Variants in AFAP1L2 observed in about 807,000 individuals in gnomAD.
AFAP1L2 encodes actin filament-associated protein 1-like 2.
In AFAP1L2, 46 loss-of-function variants were observed where a neutral mutation model predicts 99.3. The observed-to-expected ratio is 0.46, with a 90% CI of 0.37 to 0.59. The LOEUF (loss-of-function observed/expected upper bound fraction) is 0.59. AFAP1L2 is among the 20% of genes least tolerant of loss of function. The probability of loss-of-function intolerance (pLI) is 0.00; values close to 1 mark genes in which losing one functional copy is unlikely to be tolerated. For missense variants in AFAP1L2, 959 were observed against 1,034.9 expected (o/e 0.93, Z 1.01); for synonymous variants, 397 against 419.1 (o/e 0.95, Z 0.64).
At chr10:114,398,480 A>C (rs893877929) in intron 1 of AFAP1L2, among the ~76,000 whole-genome samples, 3 of 152,208 alleles carry the variant, frequency 2.0e-5, no homozygotes, top group African/African-American at 7.2e-5. Context: ...GATCAGAACC[A>C]CATGCCAGAG....
At chr10:114,372,947 G>T (rs914159886) in intron 1 of AFAP1L2, among the ~76,000 whole-genome samples, 2 of 152,230 alleles carry the variant, frequency 1.3e-5, no homozygotes, top group Non-Finnish European at 2.9e-5. Flanking sequence ...ACAGACAGCT[G>T]TGCCCCATTC....
intron 1 of AFAP1L2, among the ~76,000 whole-genome samples, chr10:114,396,360 C>T (rs992201518): frequency 1.3e-5 from 2 of 152,230 alleles, no homozygotes; most frequent in African/African-American, 2.4e-5. Context: ...CCATTCAGAT[C>T]ACCCAGAGTG....
intron 1 of AFAP1L2, among the ~76,000 whole-genome samples, chr10:114,342,153 A>G (rs929288555): frequency 2.6e-5 from 4 of 152,180 alleles, no homozygotes; most frequent in Admixed American, 1.3e-4. Flanking sequence ...GGTGTTTTCT[A>G]TGAGGAGACT....
At chr10:114,376,010 T>G (rs981263416) in intron 1 of AFAP1L2, among the ~76,000 whole-genome samples, 1 of 152,168 alleles carries the variant, frequency 6.6e-6, no homozygotes, top group Non-Finnish European at 1.5e-5. Context: ...TTCAATTTTC[T>G]AATTTCATAC....
chr10:114,402,950 G>A (rs999843628), intron 1 of AFAP1L2, among the ~76,000 whole-genome samples: 3 of 152,190 alleles, frequency 2.0e-5, no homozygotes, highest in African/African-American at 4.8e-5. Flanking sequence ...AATTCCCAGA[G>A]AGGGTCCCTC....
At position 114,361,367 on chromosome 10, in the gene AFAP1L2, T is replaced by A. The variant is rs371542653; in HGVS notation, c.17-20636A>T. ...GTTTCTGTCTGGGAAGGTGTGGAAT[T>A]CAGTAGCATTCCTGTAATGCCTTAA... On this transcript the variant is annotated intron_variant, in intron 1 of 18. Coordinates refer to ENST00000304129, the MANE Select transcript of AFAP1L2 (RefSeq NM_001001936.3). 8.4e-4 allele frequency among the ~76,000 whole-genome samples: 128 copies of A among 152,292 alleles called. No homozygotes were observed. The Middle Eastern group carries it at 0.01, about 12-fold the overall frequency.
At position 114,346,005 on chromosome 10, in the gene AFAP1L2, C is replaced by T. The variant is rs564932136; in HGVS notation, c.17-5274G>A. 6.1e-3 allele frequency among the ~76,000 whole-genome samples: 926 copies of T among 152,294 alleles called. 12 individuals carry two copies. Among genetic ancestry groups the T allele is most frequent in the African/African-American group, 0.022 (896 of 41,558 alleles). On this transcript the variant is annotated intron_variant, in intron 1 of 18. Transcript: ENST00000304129. ...CCAGGCAGCCATGGCACCTGCCCAT[C>T]GGGGAGCGGGTGGGCCAGCCAGATG...
chr10:114,360,513 A>ATAGATAGATAGATAGATAGATAGATAGT (rs2052168368), intron 1 of AFAP1L2, among the ~76,000 whole-genome samples: 25 of 79,288 alleles, frequency 3.2e-4, no homozygotes, highest in South Asian at 1.9e-3. Context: ...AGATAGTTAG[A>ATAGATAGATAGATAGATAGATAGATAGT]TAGATAGATA....
At chr10:114,309,704 G>A (rs564389475) in intron 8 of AFAP1L2, among the ~76,000 whole-genome samples, 5 of 152,266 alleles carry the variant, frequency 3.3e-5, no homozygotes, top group South Asian at 4.1e-4. Context: ...GCCCAGAGGC[G>A]CTACTGAGGA....
At chr10:114,289,358 T>G in the AFAP1L2 span, 1 of 1,614,226 alleles carries the variant, frequency 6.2e-7, no homozygotes, top group Non-Finnish European at 8.5e-7. Flanking sequence ...TCTGTCTTGG[T>G]CGTGGGCGTG....
the AFAP1L2 span, chr10:114,286,464 A>C: frequency 3.1e-6 from 5 of 1,602,828 alleles, no homozygotes; most frequent in African/African-American, 6.7e-5. Context: ...GATCTGTTCA[A>C]CCAAATCCCT....
At chr10:114,302,116 G>C in intron 12 of AFAP1L2, 1 of 585,598 alleles carries the variant, frequency 1.7e-6, no homozygotes, top group Non-Finnish European at 3.0e-6. Flanking sequence ...TGCCAAAGCT[G>C]CCCCCGGGGC....
intron 10 of AFAP1L2, among the ~76,000 whole-genome samples, chr10:114,306,686 G>C (rs1331988613): frequency 1.3e-5 from 2 of 151,986 alleles, no homozygotes; most frequent in Non-Finnish European, 2.9e-5. Flanking sequence ...ATCATGAGAG[G>C]TGGGATCTCA....
chr10:114,297,241 G>T lies in AFAP1L2; in HGVS notation c.2286C>A (p.His762Gln). The change falls in exon 17 of 19, where the codon CAC (histidine) becomes CAA (glutamine). Residue 762 changes from histidine to glutamine, a missense_variant. This residue lies in a region of AFAP1L2 where 576 missense variants were observed against 562.1 expected (regional missense o/e 1.02). Coordinates refer to ENST00000304129, the MANE Select transcript of AFAP1L2 (RefSeq NM_001001936.3). ...VTLGTTVDTT[H>Q]LENVSPRPKA... ...TCACGCGGGGGCTCACATTCTCCAG[G>T]TGGGTGGTGTCCACGGTGGTGCCTA... 1 of 1,613,760 alleles carries T rather than the reference G, an allele frequency of 6.2e-7. No homozygotes were observed. The highest frequency in any genetic ancestry group is 8.5e-7 in the Non-Finnish European group (1 of 1,179,872).
At chr10:114,380,132 T>A (rs150582549) in intron 1 of AFAP1L2, among the ~76,000 whole-genome samples, 1 of 152,302 alleles carries the variant, frequency 6.6e-6, no homozygotes, top group East Asian at 1.9e-4. Context: ...ACCATATTTA[T>A]GTCCGAGAGG....
intron 1 of AFAP1L2, among the ~76,000 whole-genome samples, chr10:114,352,479 T>TAAAAAACA (rs1554930286): frequency 0.033 from 2,374 of 71,432 alleles, 60 homozygotes; most frequent in African/African-American, 0.067. Flanking sequence ...GTCTCCAAAT[T>TAAAAAACA]AAAAAAAAAA....
chr10:114,299,877 C>G (rs1323447526), intron 15 of AFAP1L2, among the ~76,000 whole-genome samples: 1 of 152,164 alleles, frequency 6.6e-6, no homozygotes, highest in Admixed American at 6.5e-5. Flanking sequence ...ACATCAGACT[C>G]CAAGTTCTTC....
At chr10:114,314,808 T>C (rs1383508893) in intron 6 of AFAP1L2, among the ~76,000 whole-genome samples, 1 of 137,916 alleles carries the variant, frequency 7.3e-6, no homozygotes, top group Non-Finnish European at 1.6e-5. Context: ...ATATTGTTGC[T>C]TCTGAGAAGA....
At chr10:114,348,264 G>A (rs535197797) in intron 1 of AFAP1L2, among the ~76,000 whole-genome samples, 1 of 151,974 alleles carries the variant, frequency 6.6e-6, no homozygotes, top group South Asian at 2.1e-4. Flanking sequence ...TACAGTAAAC[G>A]CTCCTGTTTT....
Sources: gnomAD v4.1 joint callset for allele counts (sites outside exome capture counted in the v4.1 genomes callset) on GRCh38, gnomAD v4.1.1 for gene constraint, gnomAD v4.1.1 regional missense constraint, MANE v1.5 for transcripts, NCBI Gene and HGNC (gene_info 2026-07-23, HGNC 2026-07-21) for gene names.